IL1RAPL2: variants seen among roughly 807,000 people sequenced by gnomAD.
IL1RAPL2 encodes X-linked interleukin-1 receptor accessory protein-like 2.
In IL1RAPL2, 3 loss-of-function variants were observed where a neutral mutation model predicts 44.1. The observed-to-expected ratio is 0.07, with a 90% CI of 0.03 to 0.18. The LOEUF is 0.18. Among genes scored for constraint, IL1RAPL2 ranks in the 10% least tolerant of loss-of-function variants. The pLI is 1.00. For synonymous variants in IL1RAPL2, 181 were observed against 178.8 expected (o/e 1.01, Z -0.10); for missense variants, 391 against 496.4 (o/e 0.79, Z 2.02).
intron 2 of IL1RAPL2, among the ~76,000 whole-genome samples, chrX:104,793,509 A>T (rs185958679): frequency 4.5e-5 from 5 of 111,397 alleles, no homozygotes; most frequent in East Asian, 2.8e-4. Flanking sequence ...TTTGTTGTTG[A>T]TGATGTGTTT....
At chrX:105,099,527 C>T (rs1033606933) in intron 2 of IL1RAPL2, among the ~76,000 whole-genome samples, 10 of 92,195 alleles carry the variant, frequency 1.1e-4, no homozygotes, top group Non-Finnish European at 1.9e-4. Context: ...TACAGTGGCG[C>T]GATCTCCGCT....
At chrX:105,682,208 G>T (rs148494876) in intron 6 of IL1RAPL2, among the ~76,000 whole-genome samples, 13 of 111,912 alleles carry the variant, frequency 1.2e-4, no homozygotes, top group African/African-American at 1.6e-4. Flanking sequence ...TATAAAAATA[G>T]ATGAATATAT....
At chrX:104,849,251 C>T (rs1399106362) in intron 2 of IL1RAPL2, among the ~76,000 whole-genome samples, 3 of 104,576 alleles carry the variant, frequency 2.9e-5, no homozygotes, top group Non-Finnish European at 3.9e-5. Context: ...AGGCTGGCCA[C>T]GTTGCCCAGG....
chrX:104,829,442 G>A (rs1005003482), intron 2 of IL1RAPL2, among the ~76,000 whole-genome samples: 13 of 111,652 alleles, frequency 1.2e-4, no homozygotes, highest in Non-Finnish European at 1.5e-4. Context: ...GCTTCTGCTC[G>A]CTCTCCATGG....
intron 2 of IL1RAPL2, among the ~76,000 whole-genome samples, chrX:104,838,792 G>GT (rs1465309760): frequency 7.6e-5 from 8 of 105,448 alleles, no homozygotes; most frequent in African/African-American, 2.7e-4. Context: ...GGGCATCCTT[G>GT]TCTTCTGCCT....
intron 2 of IL1RAPL2, among the ~76,000 whole-genome samples, chrX:105,139,885 G>T (rs2033111172): frequency 8.9e-6 from 1 of 112,129 alleles, no homozygotes; most frequent in Non-Finnish European, 1.9e-5. Flanking sequence ...TAAACATGAT[G>T]CATATTGCTT....
chrX:104,855,681 G>GTGTTTGTTTTTTTTTT, intron 2 of IL1RAPL2, among the ~76,000 whole-genome samples: 2 of 53,880 alleles, frequency 3.7e-5, no homozygotes, highest in Non-Finnish European at 8.1e-5. Flanking sequence ...ATCTGGATCC[G>GTGTTTGTTTTTTTTTT]TTTTTTTTTT....
intron 2 of IL1RAPL2, among the ~76,000 whole-genome samples, chrX:105,118,215 A>G (rs2032882083): frequency 8.9e-6 from 1 of 112,640 alleles, no homozygotes; most frequent in African/African-American, 3.2e-5. Context: ...TTATCAAACA[A>G]TTTAAATGTG....
Position 105,452,050 on chromosome X carries a change from T to C in IL1RAPL2, c.698-32263T>C, listed in dbSNP as rs2036023198. ...ACATTTCCAATTGTACCTCTTTCTA[T>C]AGGAGATACTAAAAAACTGCTTCAT... On this transcript the variant is annotated intron_variant, in intron 5 of 10. Transcript: ENST00000372582. Among the ~76,000 whole-genome samples, 2 of 111,463 alleles carry C rather than the reference T, an allele frequency of 1.8e-5. 1 individual carries two copies. The highest frequency in any genetic ancestry group is 1.9e-4 in the Admixed American group (2 of 10,473).
chrX:104,676,011 T>G (rs1362754671), intron 2 of IL1RAPL2, among the ~76,000 whole-genome samples: 1 of 107,346 alleles, frequency 9.3e-6, no homozygotes, highest in African/African-American at 3.4e-5. Context: ...GTGAGATGGG[T>G]TTCCTGAATT....
At chrX:104,630,872 G>T (rs1480386870) in intron 1 of IL1RAPL2, among the ~76,000 whole-genome samples, 1 of 108,229 alleles carries the variant, frequency 9.2e-6, no homozygotes, top group Admixed American at 1.0e-4. Context: ...AAGTTTTAGG[G>T]TACATGGGCA....
intron 2 of IL1RAPL2, among the ~76,000 whole-genome samples, chrX:104,878,960 G>C (rs752314562): frequency 9.1e-6 from 1 of 110,463 alleles, no homozygotes; most frequent in East Asian, 2.9e-4. Context: ...AGACATTAAA[G>C]GTACAAAAAG....
At chrX:104,784,337 A>G (rs1255430763) in intron 2 of IL1RAPL2, among the ~76,000 whole-genome samples, 2 of 111,610 alleles carry the variant, frequency 1.8e-5, no homozygotes, top group African/African-American at 6.5e-5. Flanking sequence ...GAGGTGGGGC[A>G]GAGTTTTCTT....
At chrX:104,601,104 T>C (rs1456983514) in intron 1 of IL1RAPL2, among the ~76,000 whole-genome samples, 2 of 112,129 alleles carry the variant, frequency 1.8e-5, no homozygotes, top group Non-Finnish European at 3.8e-5. Flanking sequence ...AATATTTAGA[T>C]ATGATATGCA....
intron 6 of IL1RAPL2, among the ~76,000 whole-genome samples, chrX:105,559,227 A>G (rs2036916259): frequency 8.9e-6 from 1 of 112,116 alleles, no homozygotes; most frequent in Admixed American, 9.4e-5. Flanking sequence ...CCACTAGGAT[A>G]GCCACAAATG....
Position 105,233,827 on chromosome X carries a change from A to G in IL1RAPL2, c.366A>G (p.Thr122=), listed in dbSNP as rs782709147. ...GFYTCVLRNS[T]YCMKVSMSLT... The stretch of plus-strand genomic sequence containing the variant: ...TTCTCTGTTCCTACAGAAACTCAAC[A>G]TATTGCATGAAGGTGTCAATGTCCT... Residue 122 remains threonine, a synonymous_variant, in exon 4 of 11, where the codon ACA becomes ACG. Coordinates refer to ENST00000372582, the MANE Select transcript of IL1RAPL2 (RefSeq NM_017416.2). 7.5e-6 allele frequency: 9 copies of G among 1,199,847 alleles called. No homozygotes were observed. Among genetic ancestry groups the G allele is most frequent in the Non-Finnish European group, 1.0e-5 (9 of 889,689 alleles).
chrX:104,610,252 A>G (rs1031861125), intron 1 of IL1RAPL2, among the ~76,000 whole-genome samples: 3 of 110,987 alleles, frequency 2.7e-5, no homozygotes, highest in Non-Finnish European at 3.8e-5. Context: ...CACCACTCCT[A>G]TTCAACATAG....
chrX:104,605,843 A>C (rs1421718965), intron 1 of IL1RAPL2, among the ~76,000 whole-genome samples: 4 of 111,901 alleles, frequency 3.6e-5, no homozygotes, highest in African/African-American at 1.3e-4. Flanking sequence ...TACCAACCAA[A>C]AAAAGCCCAG....
chrX:105,105,943 G>A (rs148321375), intron 2 of IL1RAPL2, among the ~76,000 whole-genome samples: 2,237 of 111,199 alleles, frequency 0.02, 48 homozygotes, highest in African/African-American at 0.07. Flanking sequence ...GTTCCTGGAC[G>A]ATTTGTGGAA....
Sources: gnomAD v4.1 joint callset for allele counts (sites outside exome capture counted in the v4.1 genomes callset) on GRCh38, gnomAD v4.1.1 for gene constraint, MANE v1.5 for transcripts, NCBI Gene and HGNC (gene_info 2026-07-23, HGNC 2026-07-21) for gene names.